The following NXF3 variants were observed in gnomAD, a reference collection of about 807,000 sequenced individuals.
The protein encoded by NXF3 is TAP-like protein 3.
NXF3 carries 34 observed loss-of-function variants against 48.4 expected under a neutral mutation model. That is an observed-to-expected ratio of 0.70 (90% CI 0.53 to 0.93). NXF3 has a LOEUF of 0.93. NXF3 is among the 40% of genes least tolerant of loss of function. NXF3 has a pLI of 0.00. For missense variants in NXF3, 359 were observed against 406.1 expected (o/e 0.88, Z 1.00); for synonymous variants, 132 against 145.7 (o/e 0.91, Z 0.68).
At position 103,077,625 on chromosome X, in the gene NXF3, G is replaced by A; in HGVS notation, c.1573C>T (p.Gln525Ter). ...SSSVPAFSQE[Q>*]QKMLPS is the part of the protein sequence containing the mutation. ...GAGAAAACCTGTACCATTTTCTGCT[G>A]CTCCTGGGAGAAGGCAGGCACGGAG... is the stretch of plus-strand genomic sequence containing the variant. The change falls in exon 18 of 20, where the codon CAG becomes TAG. Residue 525 changes from glutamine (Q) to a stop codon, truncating the protein, a stop_gained. Coordinates refer to ENST00000395065, the MANE Select transcript of NXF3 (RefSeq NM_022052.2). LOFTEE classifies it high-confidence loss of function. The A allele has an allele frequency of 8.3e-7, 1 of 1,211,009 alleles. No homozygotes were observed. The highest frequency in any genetic ancestry group is 1.1e-6 in the Non-Finnish European group (1 of 895,083).
At chrX:103,090,588 T>C (rs1922249790) in intron 1 of NXF3, among the ~76,000 whole-genome samples, 1 of 112,388 alleles carries the variant, frequency 8.9e-6, no homozygotes, top group South Asian at 3.6e-4. Context: ...TATCCTACCA[T>C]ACTTAAATAT....
At position 103,087,621 on chromosome X, in the gene NXF3, C is replaced by T. The variant is rs1184170595; in HGVS notation, c.29-2738G>A. On this transcript the variant is annotated intron_variant, in intron 1 of 19. Coordinates refer to ENST00000395065, the MANE Select transcript of NXF3 (RefSeq NM_022052.2). Reference sequence around the variant, plus strand: ...CCAGAGGAAAGATGGGCATTACACCCGTGCTCTAAGTCCGATCCCACATAT... The same window carrying T: ...CCAGAGGAAAGATGGGCATTACACCTGTGCTCTAAGTCCGATCCCACATAT... 5.1e-6 allele frequency: 5 copies of T among 976,630 alleles called. No homozygotes were observed. The African/African-American group carries it at 5.7e-5, about 11-fold the overall frequency. The allele number at this position is 976,630 out of a possible 1,213,427, so 80.5% of individuals were successfully genotyped here.
At position 103,082,580 on chromosome X, in the gene NXF3, A is replaced by G. The variant is rs1010554959; in HGVS notation, c.780+180T>C. On this transcript the variant is annotated intron_variant, in intron 8 of 19. Coordinates refer to ENST00000395065, the MANE Select transcript of NXF3 (RefSeq NM_022052.2). ...CTTGTTAATGTTGGGGGCCTTTGGC[A>G]TAATGTCAAGCATCTGGTAGGCTTT... Among the ~76,000 whole-genome samples, 3 of 112,162 alleles carry G rather than the reference A, an allele frequency of 2.7e-5. No homozygotes were observed. The Admixed American group carries it at 2.8e-4, about 11-fold the overall frequency.
intron 1 of NXF3, chrX:103,088,774 T>A: frequency 9.0e-7 from 1 of 1,111,918 alleles, no homozygotes; most frequent in African/African-American, 1.8e-5. Flanking sequence ...CATGAACAGA[T>A]TCATAATGAA....
intron 1 of NXF3, chrX:103,087,572 C>T (rs2147597004): frequency 1.0e-6 from 1 of 963,358 alleles, no homozygotes; most frequent in Non-Finnish European, 1.5e-6. Context: ...GAAAAGTCAA[C>T]ATATGGAGTG....
intron 1 of NXF3, chrX:103,087,574 T>A: frequency 1.0e-6 from 1 of 958,949 alleles, no homozygotes; most frequent in Non-Finnish European, 1.5e-6. Context: ...AAAGTCAACA[T>A]ATGGAGTGTA....
intron 6 of NXF3, 36 bp from the exon 7 acceptor site, chrX:103,083,109 G>A (rs768413865): frequency 1.7e-6 from 2 of 1,196,082 alleles, no homozygotes; most frequent in East Asian, 5.9e-5. Context: ...AGGCTCTGAA[G>A]TTGAGGTGGT....
At chrX:103,080,790 CT>C (rs1205504076) in intron 9 of NXF3, 178 bp from the exon 10 acceptor site, 1 of 463,561 alleles carries the variant, frequency 2.2e-6, no homozygotes, top group East Asian at 3.8e-5. Flanking sequence ...CTTTCTTCCC[CT>C]CCCTCCATCC....
chrX:103,088,496 G>A, intron 1 of NXF3: 1 of 1,040,056 alleles, frequency 9.6e-7, no homozygotes, highest in Non-Finnish European at 1.3e-6. Context: ...ATTAAGCATT[G>A]ATAATTCAGT....
At chrX:103,091,387 G>T (rs888470109) in intron 1 of NXF3, among the ~76,000 whole-genome samples, 1 of 111,909 alleles carries the variant, frequency 8.9e-6, no homozygotes, top group African/African-American at 3.2e-5. Flanking sequence ...AATAATAGGA[G>T]AGAAAAATAT....
Position 103,083,237 on chromosome X carries a change from A to C in NXF3, c.577T>G (p.Phe193Val), listed in dbSNP as rs1453676813. 2 of 1,211,167 alleles carry C rather than the reference A, an allele frequency of 1.7e-6. No homozygotes were observed. Among genetic ancestry groups the C allele is most frequent in the Non-Finnish European group, 2.2e-6 (2 of 895,317 alleles). Reference protein sequence around the residue: ...IFVNPAGIPHFVHRELKSEKV... With the variant: ...IFVNPAGIPHVVHRELKSEKV... The stretch of plus-strand genomic sequence containing the variant: ...TCTGACTTCAGCTCCCTGTGCACAA[A>C]GTGGGGTATGCCAGCAGGGTTGACA... The change falls in exon 6 of 20, where the codon TTT becomes GTT. Residue 193 changes from phenylalanine (F) to valine (V), a missense_variant. Coordinates refer to ENST00000395065, the MANE Select transcript of NXF3 (RefSeq NM_022052.2).
intron 10 of NXF3, 126 bp downstream of exon 10, chrX:103,080,450 C>A (rs1449362667): frequency 5.5e-6 from 4 of 728,965 alleles, no homozygotes. Context: ...TTCCCTTCCC[C>A]CACTCCCTTG....
chrX:103,089,082 C>T (rs1214975386), intron 1 of NXF3: 18 of 1,038,276 alleles, frequency 1.7e-5, no homozygotes, highest in East Asian at 1.5e-4. Flanking sequence ...CCTGTACCGA[C>T]GCAGTGTTTG....
intron 9 of NXF3, chrX:103,082,033 A>C: frequency 4.9e-6 from 2 of 408,157 alleles, no homozygotes; most frequent in East Asian, 8.0e-5. Flanking sequence ...GGGTGGAGAC[A>C]GGTGGGAAAC....
chrX:103,086,336 G>A (rs1294825008), intron 1 of NXF3, among the ~76,000 whole-genome samples: 4 of 110,410 alleles, frequency 3.6e-5, no homozygotes, highest in Admixed American at 9.6e-5. Flanking sequence ...GCGTGGACCC[G>A]GGAAGCAGAG....
At chrX:103,085,177 T>C (rs1922114845) in intron 1 of NXF3, among the ~76,000 whole-genome samples, 1 of 111,142 alleles carries the variant, frequency 9.0e-6, no homozygotes, top group South Asian at 3.9e-4. Flanking sequence ...CCCAGGCTGG[T>C]GATTTTTATA....
intron 1 of NXF3, chrX:103,088,854 A>G: frequency 8.5e-7 from 1 of 1,171,948 alleles, no homozygotes; most frequent in Non-Finnish European, 1.2e-6. Flanking sequence ...TCATCCACGT[A>G]ATAATGTTAA....
chrX:103,085,920 AAAAG>A (rs1372265123), intron 1 of NXF3, among the ~76,000 whole-genome samples: 92 of 103,774 alleles, frequency 8.9e-4, no homozygotes, highest in African/African-American at 3.0e-3. Context: ...AAAAAAAAAA[AAAAG>A]AAAGAAAGAA....
At chrX:103,084,615 T>C in intron 2 of NXF3, 100 bp downstream of exon 2, 2 of 1,131,544 alleles carry the variant, frequency 1.8e-6, no homozygotes, top group Non-Finnish European at 2.4e-6. Flanking sequence ...GTTCTGTCAT[T>C]CCTCTCTCTG....
Sources: allele counts gnomAD v4.1 joint callset (sites outside exome capture counted in the v4.1 genomes callset), GRCh38; gene constraint gnomAD v4.1.1; transcripts MANE v1.5; gene names NCBI Gene and HGNC (gene_info 2026-07-23, HGNC 2026-07-21).